The following FMNL2 variants were observed in gnomAD, a reference collection of about 807,000 sequenced individuals.
FMNL2 encodes the protein formin-like protein 2.
A neutral mutation model predicts 130.2 loss-of-function variants in FMNL2; 51 were observed. That is an observed-to-expected ratio of 0.39 (90% CI 0.31 to 0.49). The LOEUF (loss-of-function observed/expected upper bound fraction) is 0.49. Among genes scored for constraint, FMNL2 ranks in the 20% least tolerant of loss-of-function variants. FMNL2 has a pLI of 0.85. For synonymous variants in FMNL2, 465 were observed against 467.1 expected (o/e 1.00, Z 0.06); for missense variants, 977 against 1,316.2 (o/e 0.74, Z 3.99).
intron 1 of FMNL2, among the ~76,000 whole-genome samples, chr2:152,359,477 T>C (rs1035064985): frequency 1.1e-4 from 11 of 98,378 alleles, no homozygotes; most frequent in African/African-American, 3.0e-4. Context: ...ATCTAAGAGG[T>C]AGCCTTTTTT....
At chr2:152,643,891 A>G in intron 25 of FMNL2, 1 of 985,280 alleles carries the variant, frequency 1.0e-6, no homozygotes. Context: ...CCTTCAACAT[A>G]TCCATTAATA....
chr2:152,616,252 T>G (rs1182224366), intron 12 of FMNL2, among the ~76,000 whole-genome samples: 1 of 152,028 alleles, frequency 6.6e-6, no homozygotes. Context: ...CATACTTACA[T>G]GTCCACTTTT....
intron 1 of FMNL2, among the ~76,000 whole-genome samples, chr2:152,407,291 A>T (rs1686037431): frequency 6.6e-6 from 1 of 151,928 alleles, no homozygotes; most frequent in South Asian, 2.1e-4. Context: ...TGAACATAAC[A>T]TCAATGGAAT....
intron 1 of FMNL2, among the ~76,000 whole-genome samples, chr2:152,500,042 C>A (rs1691726870): frequency 6.6e-6 from 1 of 152,134 alleles, no homozygotes; most frequent in Admixed American, 6.5e-5. Context: ...TGAAGCAATG[C>A]TGGGTTTACT....
chr2:152,629,960 G>A, intron 20 of FMNL2, 55 bp downstream of exon 20: 1 of 1,490,972 alleles, frequency 6.7e-7, no homozygotes, highest in East Asian at 2.4e-5. Context: ...GGCTGGCAGA[G>A]ATGAAGTTAG....
At chr2:152,590,001 A>ATGTATATGTATGTATATGTG (rs66992347) in intron 9 of FMNL2, among the ~76,000 whole-genome samples, 3 of 75,906 alleles carry the variant, frequency 4.0e-5, no homozygotes, top group South Asian at 4.1e-4. Context: ...GTATATGTAT[A>ATGTATATGTATGTATATGTG]TATATATACA....
In FMNL2 at chr2:152,581,142, G is replaced by A. The variant is rs891121751; in HGVS notation, c.876+93G>A. The A allele has an allele frequency of 1.4e-5, 15 of 1,108,824 alleles. No individual in the cohort carries two copies. The East Asian group carries it at 3.1e-4, about 23-fold the overall frequency. 68.7% of individuals were successfully genotyped at this position (1,108,824 alleles called of 1,614,324 possible). On this transcript the variant is annotated intron_variant, in intron 9 of 25. Transcript: ENST00000288670. ...TATTTACCTTTTCATTTATCCTAGG[G>A]CCTAAGGAATATAATAGTTAATTTC...
At chr2:152,637,530 A>G in intron 22 of FMNL2, 43 bp from the exon 23 acceptor site, 2 of 1,513,946 alleles carry the variant, frequency 1.3e-6, no homozygotes, top group Non-Finnish European at 1.8e-6. Flanking sequence ...TCCAGTTCAA[A>G]TGCCTAACTA....
intron 15 of FMNL2, among the ~76,000 whole-genome samples, chr2:152,624,120 T>A (rs1440786386): frequency 9.7e-6 from 1 of 103,512 alleles, no homozygotes; most frequent in Non-Finnish European, 1.9e-5. Context: ...CTTCCCTTCC[T>A]TCCCATCTCA....
At chr2:152,463,544 G>A (rs1411395886) in intron 1 of FMNL2, among the ~76,000 whole-genome samples, 1 of 152,160 alleles carries the variant, frequency 6.6e-6, no homozygotes, top group Admixed American at 6.5e-5. Context: ...TGCATTACTG[G>A]TACCAAGGGG....
chr2:152,544,064 C>T (rs2105503589), intron 3 of FMNL2, among the ~76,000 whole-genome samples: 1 of 152,326 alleles, frequency 6.6e-6, no homozygotes, highest in Admixed American at 6.5e-5. Context: ...TCTCTCATTT[C>T]TCCCTTTCCC....
At chr2:152,638,182 T>C (rs1160614280) in intron 23 of FMNL2, among the ~76,000 whole-genome samples, 1 of 152,214 alleles carries the variant, frequency 6.6e-6, no homozygotes, top group Non-Finnish European at 1.5e-5. Context: ...TTTCTTTGTG[T>C]GGATCAGTAA....
chr2:152,520,265 G>A (rs1384812507), intron 1 of FMNL2, among the ~76,000 whole-genome samples: 1 of 150,154 alleles, frequency 6.7e-6, no homozygotes, highest in Non-Finnish European at 1.5e-5. Flanking sequence ...GCTCTTCAAA[G>A]TAATTGTCAG....
rs112715194 is a variant in FMNL2, at chr2:152,485,354, G to A, written c.118-36589G>A. On this transcript the variant is annotated intron_variant, in intron 1 of 25. Coordinates refer to ENST00000288670, the MANE Select transcript of FMNL2 (RefSeq NM_052905.4). The stretch of plus-strand genomic sequence containing the variant: ...AAAAATACAAAAATTAGCCAGGCAT[G>A]GTGGTGTGCACCTGTAGTCCCAGCT... 7.3e-3 allele frequency among the ~76,000 whole-genome samples: 1,118 copies of A among 152,330 alleles called. 9 individuals carry two copies. Among genetic ancestry groups the A allele is most frequent in the African/African-American group, 0.022 (919 of 41,570 alleles).
chr2:152,493,376 T>C (rs768870326), intron 1 of FMNL2, among the ~76,000 whole-genome samples: 2 of 152,190 alleles, frequency 1.3e-5, no homozygotes, highest in Non-Finnish European at 2.9e-5. Context: ...ATCTCAAATG[T>C]CCTAACTTTA....
At chr2:152,436,989 G>C (rs1349419899) in intron 1 of FMNL2, among the ~76,000 whole-genome samples, 1 of 152,192 alleles carries the variant, frequency 6.6e-6, no homozygotes, top group Non-Finnish European at 1.5e-5. Flanking sequence ...TAGAAGTCCA[G>C]CATCAAGGCA....
intron 2 of FMNL2, among the ~76,000 whole-genome samples, chr2:152,523,252 A>G (rs191847377): frequency 6.6e-6 from 1 of 152,318 alleles, no homozygotes; most frequent in African/African-American, 2.4e-5. Context: ...AAATTACCAT[A>G]TGGACATGGT....
chr2:152,552,929 T>C (rs1350139698), intron 4 of FMNL2, among the ~76,000 whole-genome samples: 2 of 152,248 alleles, frequency 1.3e-5, no homozygotes, highest in Non-Finnish European at 2.9e-5. Flanking sequence ...TAAAGCTACC[T>C]ATAATGATAG....
intron 1 of FMNL2, among the ~76,000 whole-genome samples, chr2:152,342,352 A>G (rs1681859623): frequency 6.6e-6 from 1 of 152,214 alleles, no homozygotes; most frequent in South Asian, 2.1e-4. Flanking sequence ...GGAACAAAGC[A>G]TTGAATCCTT....
Sources: gnomAD v4.1 joint callset for allele counts (sites outside exome capture counted in the v4.1 genomes callset) on GRCh38, gnomAD v4.1.1 for gene constraint, MANE v1.5 for transcripts, NCBI Gene and HGNC (gene_info 2026-07-23, HGNC 2026-07-21) for gene names.